The following DOCK3 variants were observed in gnomAD, a reference collection of about 807,000 sequenced individuals.
DOCK3 encodes the protein dedicator of cytokinesis 3.
DOCK3 carries 60 observed loss-of-function variants against 265.6 expected under a neutral mutation model. The observed-to-expected ratio is 0.23, with a 90% CI of 0.18 to 0.28. The LOEUF is 0.28. DOCK3 is among the 10% of genes least tolerant of loss of function. DOCK3 has a pLI of 1.00. For synonymous variants in DOCK3, 881 were observed against 938.0 expected, an observed-to-expected ratio of 0.94 and a Z score of 1.11; for missense variants, 1,981 against 2,594.3, an observed-to-expected ratio of 0.76 and a Z score of 5.14.
intron 1 of DOCK3, among the ~76,000 whole-genome samples, chr3:50,713,389 A>G (rs2036892972): frequency 6.6e-6 from 1 of 152,170 alleles, no homozygotes; most frequent in Non-Finnish European, 1.5e-5. Flanking sequence ...TGTTTTAGTG[A>G]GGTTAATCTG....
At chr3:51,045,452 G>T (rs1347155945) in intron 5 of DOCK3, among the ~76,000 whole-genome samples, 3 of 152,234 alleles carry the variant, frequency 2.0e-5, no homozygotes, top group East Asian at 3.9e-4. Context: ...TAATAATAAT[G>T]AAAACATTTG....
chr3:51,381,294 C>T lies in DOCK3; in HGVS notation c.5828C>T (p.Ala1943Val). Residue 1943 changes from alanine (A) to valine (V), a missense_variant, in exon 53 of 53, where the codon GCC becomes GTC. Ala to Val is a moderately conservative substitution (Grantham distance 64, BLOSUM62 0). Around this residue, in one of 4 missense-constraint regions of DOCK3, gnomAD observed 149 missense variants for 144.7 expected, o/e 1.03. Transcript: ENST00000266037. This position sits in a 1 kb window ranked among gnomAD's most constrained non-coding sequence, Gnocchi z 5.6. Reference protein sequence around the residue: ...LPVHYSLSESAVLDSIKAQPC... With the variant: ...LPVHYSLSESVVLDSIKAQPC... ...GTCCACTACAGCCTCTCTGAGTCTG[C>T]CGTCCTGGACTCCATCAAGGCCCAG... is the stretch of plus-strand genomic sequence containing the variant. The T allele has an allele frequency of 1.2e-6, 2 of 1,613,722 alleles. No individual in the cohort carries two copies. The highest frequency in any genetic ancestry group is 1.7e-6 in the Non-Finnish European group (2 of 1,179,884).
chr3:50,870,823 A>T (rs2047400116), intron 3 of DOCK3, among the ~76,000 whole-genome samples: 1 of 152,004 alleles, frequency 6.6e-6, no homozygotes, highest in Non-Finnish European at 1.5e-5. Flanking sequence ...CTACCTTATT[A>T]TCCATTATTT....
chr3:51,327,279 T>C (rs1402865947), intron 32 of DOCK3, among the ~76,000 whole-genome samples: 1 of 152,182 alleles, frequency 6.6e-6, no homozygotes, highest in Non-Finnish European at 1.5e-5. Context: ...CTAGCATTTA[T>C]TGAGTGCTTC....
intron 1 of DOCK3, among the ~76,000 whole-genome samples, chr3:50,759,656 G>C (rs2040406867): frequency 7.5e-6 from 1 of 133,366 alleles, no homozygotes; most frequent in Non-Finnish European, 1.6e-5. Flanking sequence ...TGGGTGACAA[G>C]TAAGACCCCG....
At chr3:51,059,978 C>T (rs1317555347) in intron 5 of DOCK3, among the ~76,000 whole-genome samples, 4 of 152,030 alleles carry the variant, frequency 2.6e-5, no homozygotes, top group Non-Finnish European at 5.9e-5. Context: ...CCTTCCTTAA[C>T]CACACAGTCA....
intron 1 of DOCK3, among the ~76,000 whole-genome samples, chr3:50,728,578 C>A (rs1421953095): frequency 6.6e-6 from 1 of 151,996 alleles, no homozygotes; most frequent in Non-Finnish European, 1.5e-5. Context: ...AATTAAAAAA[C>A]AGGGAAGACA....
At chr3:51,095,174 T>C (rs1169296540) in intron 9 of DOCK3, among the ~76,000 whole-genome samples, 3 of 152,186 alleles carry the variant, frequency 2.0e-5, no homozygotes. Flanking sequence ...AGGTTAACAT[T>C]GTTATGTGTG....
At chr3:51,122,084 G>A (rs1199411967) in intron 9 of DOCK3, among the ~76,000 whole-genome samples, 1 of 152,078 alleles carries the variant, frequency 6.6e-6, no homozygotes, top group Non-Finnish European at 1.5e-5. Context: ...AACCCCCTAG[G>A]ATATTATTTA....
At position 51,361,747 on chromosome 3, in the gene DOCK3, C is replaced by A; in HGVS notation, c.5007-112C>A. 1.4e-6 allele frequency: 2 copies of A among 1,424,080 alleles called. No homozygotes were observed. Among genetic ancestry groups the A allele is most frequent in the Non-Finnish European group, 1.9e-6 (2 of 1,058,416 alleles). 88.2% of individuals were successfully genotyped at this position (1,424,080 alleles called of 1,614,324 possible). A position where few individuals can be genotyped will look rare whatever the true frequency, so the allele number is the denominator to read the frequency against. Reference sequence around the variant, plus strand: ...TATGAGCATTGACTATGGAACCCTCCAAACCGGTGGTAGCTGAAACCAGGG... The same window carrying A: ...TATGAGCATTGACTATGGAACCCTCAAAACCGGTGGTAGCTGAAACCAGGG... On this transcript the variant is annotated intron_variant, in intron 47 of 52. Transcript: ENST00000266037. This position sits in a 1 kb window ranked among gnomAD's most constrained non-coding sequence, Gnocchi z 4.2.
chr3:50,960,741 T>C (rs144502943), intron 5 of DOCK3, among the ~76,000 whole-genome samples: 21 of 152,286 alleles, frequency 1.4e-4, no homozygotes, highest in African/African-American at 4.8e-4. Context: ...GCTTTTGGTG[T>C]CATACTTAAT....
intron 12 of DOCK3, among the ~76,000 whole-genome samples, chr3:51,160,903 C>T (rs981665674): frequency 6.6e-6 from 1 of 150,944 alleles, no homozygotes; most frequent in Non-Finnish European, 1.5e-5. Flanking sequence ...GGTGAAACCT[C>T]GTCTCTACTG....
At chr3:51,344,291 G>T (rs543840157) in intron 38 of DOCK3, among the ~76,000 whole-genome samples, 1 of 152,272 alleles carries the variant, frequency 6.6e-6, no homozygotes, top group South Asian at 2.1e-4. Context: ...ACAACTTTTT[G>T]TGCTGTCCCT....
intron 1 of DOCK3, among the ~76,000 whole-genome samples, chr3:50,777,999 GGGA>G (rs2041703601): frequency 6.6e-6 from 1 of 152,062 alleles, no homozygotes; most frequent in Non-Finnish European, 1.5e-5. Context: ...AGTTCTCAGG[GGGA>G]ATGCTTTCAA....
intron 2 of DOCK3, chr3:50,786,954 G>C: frequency 1.3e-6 from 1 of 741,678 alleles, no homozygotes; most frequent in Non-Finnish European, 2.5e-6. Flanking sequence ...CATGTAAATG[G>C]CATGTCTTTC....
At chr3:50,841,559 C>T (rs989996705) in intron 2 of DOCK3, 116 bp from the exon 3 acceptor site, 17 of 344,678 alleles carry the variant, frequency 4.9e-5, no homozygotes, top group Non-Finnish European at 6.1e-5. Flanking sequence ...CTAATAAAGC[C>T]ACAGTGGGTG....
chr3:51,376,611 C>T (rs2088158749), intron 51 of DOCK3, among the ~76,000 whole-genome samples: 1 of 152,238 alleles, frequency 6.6e-6, no homozygotes, highest in Non-Finnish European at 1.5e-5. Context: ...CCTCTCCTCA[C>T]AGGTTCTCTG....
At chr3:51,262,157 C>T (rs1459229385) in intron 23 of DOCK3, among the ~76,000 whole-genome samples, 1 of 152,160 alleles carries the variant, frequency 6.6e-6, no homozygotes, top group African/African-American at 2.4e-5. Flanking sequence ...ACGCCTCATA[C>T]GGGAGAGCTC....
chr3:51,156,565 T>A (rs995671938), intron 10 of DOCK3, among the ~76,000 whole-genome samples: 2 of 152,258 alleles, frequency 1.3e-5, no homozygotes, highest in African/African-American at 4.8e-5. Context: ...TTTAATAAGA[T>A]AGCTTTTATA....
Sources: gnomAD v4.1 joint callset for allele counts (sites outside exome capture counted in the v4.1 genomes callset) on GRCh38, gnomAD v4.1.1 for gene constraint, gnomAD v4.1.1 regional missense constraint, Gnocchi (gnomAD v3.1) non-coding constraint, MANE v1.5 for transcripts, NCBI Gene and HGNC (gene_info 2026-07-23, HGNC 2026-07-21) for gene names.